The following ADGRF5 variants were observed in gnomAD, a reference collection of about 807,000 sequenced individuals.
ADGRF5 encodes adhesion G protein-coupled receptor F5.
Under a neutral mutation model 132.3 loss-of-function variants are expected in ADGRF5, and 75 were observed. The observed-to-expected ratio is 0.57, with a 90% CI of 0.47 to 0.69. The LOEUF is 0.69. Ranked by LOEUF, ADGRF5 falls within the 30% of genes least tolerant of loss-of-function variation. The pLI is 0.00. For missense variants in ADGRF5, 1,516 were observed against 1,630.6 expected (o/e 0.93, Z 1.21); for synonymous variants, 629 against 597.6 (o/e 1.05, Z -0.77).
At chr6:46,941,715 A>T (rs183542513) in intron 1 of ADGRF5, among the ~76,000 whole-genome samples, 76 of 151,730 alleles carry the variant, frequency 5.0e-4, no homozygotes, top group Admixed American at 1.7e-3. Flanking sequence ...GGCCTGTGTC[A>T]GCTGTATCAG....
At chr6:46,892,185 CACACACACACACACACACACACACAG>C (rs1773716266) in intron 3 of ADGRF5, among the ~76,000 whole-genome samples, 1 of 151,070 alleles carries the variant, frequency 6.6e-6, no homozygotes, top group African/African-American at 2.4e-5. Flanking sequence ...CACACACACA[CACACACACACACACACACACACACAG>C]AAAGAGAGAG....
In ADGRF5 at chr6:46,921,909, C is replaced by G. The variant is rs1051263661; in HGVS notation, c.-221G>C. ...CACCGCTCCCACGCTCAGCCTCCCC[C>G]AGCTATGATCCTCCCAGTCTCACAG... On this transcript the variant is annotated 5_prime_UTR_variant, in exon 1 of 21. Coordinates refer to ENST00000283296, the MANE Select transcript of ADGRF5 (RefSeq NM_001098518.2). The G allele has an allele frequency of 6.6e-6, 1 of 152,336 alleles. No individual in the cohort carries two copies. The highest frequency in any genetic ancestry group is 2.4e-5 in the African/African-American group (1 of 41,464). 9.4% of individuals were successfully genotyped at this position (152,336 alleles called of 1,614,324 possible).
rs1770516860 is a variant in ADGRF5, at chr6:46,866,935, G to C, written c.1824C>G (p.Ser608=). 3 of 1,597,414 alleles carry C rather than the reference G, an allele frequency of 1.9e-6. No homozygotes were observed. The highest frequency in any genetic ancestry group is 2.6e-6 in the Non-Finnish European group (3 of 1,164,848). Residue 608 remains serine, a synonymous_variant, in exon 13 of 21, where the codon TCC becomes TCG. Transcript: ENST00000283296. ...YKVTFHTGSS[S]LPAAKEVNKK... ...CAATCAGCATCTTACCAGCAGGAAG[G>C]GATGAGGAACCCGTATGGAAAGTAA...
intron 11 of ADGRF5, among the ~76,000 whole-genome samples, chr6:46,870,417 C>T (rs1361037543): frequency 6.6e-6 from 1 of 152,120 alleles, no homozygotes; most frequent in Non-Finnish European, 1.5e-5. Context: ...ACCTTGGCCT[C>T]CCAAAGTGCT....
chr6:46,952,913 A>T (rs1412867896), intron 1 of ADGRF5, among the ~76,000 whole-genome samples: 8 of 152,318 alleles, frequency 5.3e-5, no homozygotes, highest in Admixed American at 5.2e-4. Flanking sequence ...TAGAAGATGG[A>T]TGGAGGGGAA....
At position 46,859,384 on chromosome 6, in the gene ADGRF5, T is replaced by C; in HGVS notation, c.2519A>G (p.Asp840Gly). Reference protein sequence around the residue: ...ERFSQALQSGDSPPLSFSQTN... With the variant: ...ERFSQALQSGGSPPLSFSQTN... ...TTGGGAGAAGGACAAAGGAGGGCTA[T>C]CTCCCGACTGTAATGCTTGGGAAAA... The change falls in exon 17 of 21, where the codon GAT (aspartate) becomes GGT (glycine). Residue 840 changes from aspartate to glycine, a missense_variant. Physicochemically the swap from Asp to Gly is moderately conservative, Grantham distance 94. This residue lies in a region of ADGRF5 where 571 missense variants were observed against 701.2 expected (regional missense o/e 0.81). Coordinates refer to ENST00000283296, the MANE Select transcript of ADGRF5 (RefSeq NM_001098518.2). 8 of 1,613,766 alleles carry C rather than the reference T, an allele frequency of 5.0e-6. No homozygotes were observed. The highest frequency in any genetic ancestry group is 5.9e-6 in the Non-Finnish European group (7 of 1,179,710).
In ADGRF5 at chr6:46,880,041, T is replaced by C. The variant is rs1184559876; in HGVS notation, c.815-2A>G. On this transcript the variant is annotated splice_acceptor_variant, in intron 8 of 20. Coordinates refer to ENST00000283296, the MANE Select transcript of ADGRF5 (RefSeq NM_001098518.2). LOFTEE classifies it high-confidence loss of function. ...GTGTGACAAAGAAATTGCTTTCATC[T>C]GGAAACCCAAAGAAAAGTTAATAAG... 6.2e-7 allele frequency: 1 copy of C among 1,609,002 alleles called. No homozygotes were observed. Among genetic ancestry groups the C allele is most frequent in the Non-Finnish European group, 8.5e-7 (1 of 1,175,470 alleles).
intron 1 of ADGRF5, among the ~76,000 whole-genome samples, chr6:46,915,561 A>G (rs1342880786): frequency 6.6e-6 from 1 of 152,074 alleles, no homozygotes; most frequent in Non-Finnish European, 1.5e-5. Context: ...AGCCTTCTGC[A>G]CTTCCTCCCT....
rs952832819 is a variant in ADGRF5 at position 46,865,024 on chromosome 6, A to G, written c.1990+18T>C. On this transcript the variant is annotated intron_variant, in intron 14 of 20. Coordinates refer to ENST00000283296, the MANE Select transcript of ADGRF5 (RefSeq NM_001098518.2). ...TGCCCTGACTATAACATCTTAAAGTAATTTAAAACGTTCTTACCAGGAACC... is the reference window on the plus strand; with the variant it reads ...TGCCCTGACTATAACATCTTAAAGTGATTTAAAACGTTCTTACCAGGAACC... The G allele has an allele frequency of 1.3e-6, 2 of 1,550,234 alleles. No individual in the cohort carries two copies. Among genetic ancestry groups the G allele is most frequent in the African/African-American group, 2.7e-5 (2 of 73,260 alleles).
upstream of ADGRF5, among the ~76,000 whole-genome samples, chr6:46,922,905 C>T (rs1190156937): frequency 6.6e-6 from 1 of 152,180 alleles, no homozygotes; most frequent in Non-Finnish European, 1.5e-5. Context: ...GCCGGGTACA[C>T]ATTACTTGAC....
intron 3 of ADGRF5, among the ~76,000 whole-genome samples, chr6:46,889,349 T>C (rs1773396670): frequency 1.4e-5 from 2 of 147,516 alleles, no homozygotes; most frequent in Admixed American, 1.4e-4. Context: ...CAGTAGTCTA[T>C]ATAGAGTAGT....
intron 1 of ADGRF5, among the ~76,000 whole-genome samples, chr6:46,920,520 A>G (rs949260406): frequency 2.1e-5 from 1 of 46,916 alleles, no homozygotes; most frequent in Non-Finnish European, 4.4e-5. Context: ...TTGATAGAAT[A>G]ATATTTGGGG....
At position 46,878,323 on chromosome 6, in the gene ADGRF5, C is replaced by G. The variant is rs1283815456; in HGVS notation, c.1119G>C (p.Leu373Phe). ...ACATCACCTTCATTTCTTCATTTGC[C>G]AAAATTTGGATGGGCATAACATCTA... The part of the protein sequence containing the change: ...KKIDVMPIQI[L>F]ANEEMKVMCD... Residue 373 changes from leucine (L) to phenylalanine (F), a missense_variant, in exon 10 of 21, where the codon TTG (leucine) becomes TTC (phenylalanine). Physicochemically the swap from Leu to Phe is conservative, Grantham distance 22 (BLOSUM62 0). Around this residue, in one of 2 missense-constraint regions of ADGRF5, gnomAD observed 945 missense variants for 929.4 expected, o/e 1.02. Coordinates refer to ENST00000283296, the MANE Select transcript of ADGRF5 (RefSeq NM_001098518.2). The G allele has an allele frequency of 6.2e-7, 1 of 1,613,138 alleles. No homozygotes were observed. The highest frequency in any genetic ancestry group is 8.5e-7 in the Non-Finnish European group (1 of 1,179,226).
chr6:46,922,981 CA>C (rs1777059059), upstream of ADGRF5, among the ~76,000 whole-genome samples: 1 of 152,192 alleles, frequency 6.6e-6, no homozygotes, highest in South Asian at 2.1e-4. Context: ...GGCTAGAGTC[CA>C]GTGGCGCGAT....
At chr6:46,864,628 G>C (rs184848293) in intron 14 of ADGRF5, among the ~76,000 whole-genome samples, 72 of 151,580 alleles carry the variant, frequency 4.7e-4, no homozygotes, top group African/African-American at 1.7e-3. Context: ...GGGTTCAAGC[G>C]ATTCTTCCGC....
At position 46,888,278 on chromosome 6, in the gene ADGRF5, A is replaced by G. The variant is rs370163174; in HGVS notation, c.328+57T>C. 1.8e-4 allele frequency: 223 copies of G among 1,257,700 alleles called. 2 individuals are homozygous for G. The South Asian group carries it at 2.6e-3, about 15-fold the overall frequency. The allele number at this position is 1,257,700 out of a possible 1,614,324, so 77.9% of individuals were successfully genotyped here. On this transcript the variant is annotated intron_variant, in intron 4 of 20. Transcript: ENST00000283296. The stretch of plus-strand genomic sequence containing the variant: ...ATTGCTCTGATACTCAGGAGCTCAG[A>G]CAGTCTGTCTCAAGACATCCAATCA...
chr6:46,897,212 T>A (rs1031272875), intron 3 of ADGRF5, among the ~76,000 whole-genome samples: 1 of 151,040 alleles, frequency 6.6e-6, no homozygotes, highest in Non-Finnish European at 1.5e-5. Flanking sequence ...GTTATGTAAC[T>A]GACCAGTCAC....
intron 3 of ADGRF5, among the ~76,000 whole-genome samples, chr6:46,889,204 TAA>T (rs1491520292): frequency 7.1e-5 from 9 of 125,940 alleles, no homozygotes; most frequent in African/African-American, 2.4e-4. Context: ...TATATATATA[TAA>T]AATATATAGA....
intron 3 of ADGRF5, among the ~76,000 whole-genome samples, chr6:46,899,440 G>A (rs1171491025): frequency 1.3e-5 from 2 of 152,144 alleles, no homozygotes; most frequent in African/African-American, 4.8e-5. Context: ...GCCCTGACCT[G>A]ACACCTGCGC....
Sources: allele counts gnomAD v4.1 joint callset (sites outside exome capture counted in the v4.1 genomes callset), GRCh38; gene constraint gnomAD v4.1.1; regional missense constraint gnomAD v4.1.1; transcripts MANE v1.5; gene names NCBI Gene and HGNC (gene_info 2026-07-23, HGNC 2026-07-21).